Variants in MAP3K20 observed in about 807,000 individuals in gnomAD.
MAP3K20 encodes mitogen-activated protein kinase kinase kinase 20.
In MAP3K20, 40 loss-of-function variants were observed where a neutral mutation model predicts 85.7. The ratio of observed to expected loss-of-function variants is 0.47; its 90% CI spans 0.36 to 0.61. MAP3K20 has a LOEUF of 0.61. MAP3K20 is among the 20% of genes least tolerant of loss of function. The probability of loss-of-function intolerance (pLI) is 0.00; values close to 1 mark genes in which losing one functional copy is unlikely to be tolerated. For missense variants in MAP3K20, 817 were observed against 961.7 expected, an observed-to-expected ratio of 0.85 and a Z score of 1.99; for synonymous variants, 325 against 327.7, an observed-to-expected ratio of 0.99 and a Z score of 0.09.
At chr2:173,109,459 T>C (rs189741025) in intron 2 of MAP3K20, among the ~76,000 whole-genome samples, 2 of 152,248 alleles carry the variant, frequency 1.3e-5, no homozygotes, top group Non-Finnish European at 2.9e-5. Flanking sequence ...GAAATATGTC[T>C]TTCCGTTTAT....
At chr2:173,090,501 C>T in intron 1 of MAP3K20, 1 of 442,410 alleles carries the variant, frequency 2.3e-6, no homozygotes, top group Non-Finnish European at 3.0e-6. Flanking sequence ...ATTGTGTGTT[C>T]AGTTTGCAGC....
intron 2 of MAP3K20, among the ~76,000 whole-genome samples, chr2:173,156,587 G>C (rs563127860): frequency 2.0e-5 from 3 of 152,096 alleles, no homozygotes; most frequent in Non-Finnish European, 4.4e-5. Flanking sequence ...CATAAAGACC[G>C]TGCAACCTAG....
chr2:173,139,300 A>G (rs1450683882), intron 2 of MAP3K20, among the ~76,000 whole-genome samples: 1 of 152,196 alleles, frequency 6.6e-6, no homozygotes, highest in Non-Finnish European at 1.5e-5. Context: ...GTCCTCCGAA[A>G]CATTACTGCC....
intron 2 of MAP3K20, among the ~76,000 whole-genome samples, chr2:173,158,567 G>A (rs574453371): frequency 3.5e-4 from 54 of 152,254 alleles, no homozygotes; most frequent in African/African-American, 1.1e-3. Context: ...AAGGACAGTC[G>A]AATATAATAA....
At chr2:173,123,434 G>GT (rs1283882431) in intron 2 of MAP3K20, among the ~76,000 whole-genome samples, 1 of 152,202 alleles carries the variant, frequency 6.6e-6, no homozygotes, top group Non-Finnish European at 1.5e-5. Context: ...GCTGTGTACT[G>GT]TGAAGCATGT....
chr2:173,234,608 G>A (rs999661567), intron 14 of MAP3K20, among the ~76,000 whole-genome samples: 4 of 152,152 alleles, frequency 2.6e-5, no homozygotes, highest in African/African-American at 7.2e-5. Flanking sequence ...ATGTAGACCA[G>A]GAAAGGAAAG....
At chr2:173,208,540 A>G (rs1230229219) in intron 9 of MAP3K20, among the ~76,000 whole-genome samples, 2 of 152,244 alleles carry the variant, frequency 1.3e-5, no homozygotes, top group Non-Finnish European at 1.5e-5. Context: ...GGCTTAATAT[A>G]TATCAGTAAC....
intron 2 of MAP3K20, among the ~76,000 whole-genome samples, chr2:173,121,316 T>C (rs1292620997): frequency 6.6e-6 from 1 of 152,228 alleles, no homozygotes; most frequent in Admixed American, 6.5e-5. Context: ...TATGGAAAAC[T>C]GTAATGGTGA....
chr2:173,090,978 C>A lies in MAP3K20; in HGVS notation c.-34-20C>A. The A allele has an allele frequency of 6.4e-7, 1 of 1,557,566 alleles. No individual in the cohort carries two copies. The highest frequency in any genetic ancestry group is 8.7e-7 in the Non-Finnish European group (1 of 1,153,836). On this transcript the variant is annotated intron_variant, in intron 1 of 19. Transcript: ENST00000375213. ...CTAATATATTTGTAATTCAGCTTTT[C>A]TTTTTCTTTCTTTCTGCAGATTTTG...
chr2:173,224,412 G>A (rs1684331623), intron 11 of MAP3K20: 3 of 985,322 alleles, frequency 3.0e-6, no homozygotes, highest in Non-Finnish European at 3.6e-6. Context: ...TATACATAAA[G>A]TTCTGATGCA....
chr2:173,221,922 A>T (rs1344562724), intron 11 of MAP3K20: 7 of 988,394 alleles, frequency 7.1e-6, no homozygotes, highest in Admixed American at 1.2e-4. Context: ...AACACTCTTA[A>T]CTCCTAATTG....
chr2:173,184,680 G>A (rs1022209174), intron 4 of MAP3K20, among the ~76,000 whole-genome samples: 2 of 152,076 alleles, frequency 1.3e-5, no homozygotes, highest in African/African-American at 4.8e-5. Context: ...AGTCCCAGGC[G>A]GGTGGATCAC....
intron 2 of MAP3K20, among the ~76,000 whole-genome samples, chr2:173,132,323 T>A (rs1318980249): frequency 1.3e-5 from 2 of 152,178 alleles, no homozygotes; most frequent in African/African-American, 4.8e-5. Context: ...TTAGTCCCTT[T>A]ACAAAAGTCA....
intron 2 of MAP3K20, among the ~76,000 whole-genome samples, chr2:173,155,474 T>A (rs571121959): frequency 3.3e-5 from 5 of 152,208 alleles, no homozygotes; most frequent in Non-Finnish European, 7.3e-5. Flanking sequence ...GCACATCATA[T>A]ATACTTCATA....
At chr2:173,248,893 C>G (rs1574156266) in intron 16 of MAP3K20, among the ~76,000 whole-genome samples, 1 of 152,102 alleles carries the variant, frequency 6.6e-6, no homozygotes, top group Non-Finnish European at 1.5e-5. Context: ...AAAACATAGG[C>G]TCAAATAAAT....
Position 173,266,219 on chromosome 2 carries a change from T to C in MAP3K20, c.1872T>C (p.Tyr624=), listed in dbSNP as rs1379847023. 1 of 1,614,100 alleles carries C rather than the reference T, an allele frequency of 6.2e-7. No individual in the cohort carries two copies. The highest frequency in any genetic ancestry group is 2.2e-5 in the East Asian group (1 of 44,878). The change falls in exon 20 of 20, where the codon TAT becomes TAC. Residue 624 remains tyrosine (Y), a synonymous_variant. Transcript: ENST00000375213. The stretch of plus-strand genomic sequence containing the variant: ...GACGGCCCCAGGTGCCCATTAAGTA[T>C]CAACAGATTACACCTGTGAACCAGT... ...AVRRPQVPIK[Y]QQITPVNQSR...
At chr2:173,214,453 G>C (rs1339067075) in intron 10 of MAP3K20, 1 of 152,164 alleles carries the variant, frequency 6.6e-6, no homozygotes, top group East Asian at 1.9e-4. Flanking sequence ...TTGGTTGGTT[G>C]TGTTTCCCGT....
chr2:173,144,135 AAAAAAT>A (rs1381919372), intron 2 of MAP3K20, among the ~76,000 whole-genome samples: 5 of 152,198 alleles, frequency 3.3e-5, no homozygotes, highest in Admixed American at 1.3e-4. Flanking sequence ...GTCTCTACAA[AAAAAAT>A]AAAAATAAAG....
In MAP3K20 at chr2:173,266,797, A is replaced by G. The variant is rs111588144; in HGVS notation, c.*47A>G. On this transcript the variant is annotated 3_prime_UTR_variant, in exon 20 of 20. Transcript: ENST00000375213. ...TCTAAGCAGGTTAAAAAAAAAAAAAAAAAGAAATGTAATGGTTTTTGATAA... is the reference window on the plus strand; with the variant it reads ...TCTAAGCAGGTTAAAAAAAAAAAAAGAAAGAAATGTAATGGTTTTTGATAA... The G allele has an allele frequency of 0.098, 132,281 of 1,353,608 alleles. 6,135 individuals are homozygous for G. The highest frequency in any genetic ancestry group is 0.11 in the South Asian group (5,753 of 50,546). 83.8% of individuals were successfully genotyped at this position (1,353,608 alleles called of 1,614,324 possible).
Sources: gnomAD v4.1 joint callset for allele counts (sites outside exome capture counted in the v4.1 genomes callset) on GRCh38, gnomAD v4.1.1 for gene constraint, MANE v1.5 for transcripts, NCBI Gene and HGNC (gene_info 2026-07-23, HGNC 2026-07-21) for gene names.